The following SLC37A3 variants were observed in gnomAD, a reference collection of about 807,000 sequenced individuals.
SLC37A3 encodes sugar phosphate exchanger 3.
Under a neutral mutation model 67.1 loss-of-function variants are expected in SLC37A3, and 51 were observed. The ratio of observed to expected loss-of-function variants is 0.76; its 90% confidence interval spans 0.61 to 0.96. The LOEUF (loss-of-function observed/expected upper bound fraction) is 0.96, where lower values mean the gene tolerates loss of function less well. SLC37A3 is among the 40% of genes least tolerant of loss of function. The pLI is 0.00. For synonymous variants in SLC37A3, 214 were observed against 231.4 expected, an observed-to-expected ratio of 0.92 and a Z score of 0.68; for missense variants, 508 against 603.0, an observed-to-expected ratio of 0.84 and a Z score of 1.65.
chr7:140,367,776 G>A (rs12703792), intron 4 of SLC37A3, among the ~76,000 whole-genome samples: 55,682 of 150,186 alleles, frequency 0.37, 11,508 homozygotes, highest in Non-Finnish European at 0.46. Context: ...CCTCGCCACC[G>A]TGGAATGTCT....
At chr7:140,345,172 TAC>T (rs1459747178) in intron 12 of SLC37A3, 42 bp downstream of exon 12, 2 of 1,564,002 alleles carry the variant, frequency 1.3e-6, no homozygotes, top group Non-Finnish European at 1.8e-6. Flanking sequence ...CCTCTGAATT[TAC>T]AGAGCAACAG....
chr7:140,360,719 G>A (rs1255882638), intron 5 of SLC37A3, among the ~76,000 whole-genome samples: 1 of 136,878 alleles, frequency 7.3e-6, no homozygotes, highest in Admixed American at 7.8e-5. Flanking sequence ...GGGTGACAGA[G>A]CAAGACTCCG....
At chr7:140,393,826 A>G (rs1798813012) in intron 1 of SLC37A3, among the ~76,000 whole-genome samples, 1 of 152,114 alleles carries the variant, frequency 6.6e-6, no homozygotes, top group Non-Finnish European at 1.5e-5. Flanking sequence ...CTGTGTCCTG[A>G]GTCTCACAGC....
intron 9 of SLC37A3, 62 bp downstream of exon 9, chr7:140,351,211 C>G: frequency 6.7e-7 from 1 of 1,499,138 alleles, no homozygotes; most frequent in Non-Finnish European, 9.1e-7. Flanking sequence ...TTATCTCAGG[C>G]AGAGGAGATG....
At chr7:140,343,343 G>A (rs901733627) in intron 13 of SLC37A3, 69 bp downstream of exon 13, 20 of 1,604,556 alleles carry the variant, frequency 1.2e-5, no homozygotes, top group Non-Finnish European at 1.6e-5. Flanking sequence ...GAGGCCCAGA[G>A]GGCAGGTTCA....
At chr7:140,380,038 T>C (rs958542163) in intron 3 of SLC37A3, 3 of 277,098 alleles carry the variant, frequency 1.1e-5, no homozygotes, top group Non-Finnish European at 2.0e-5. Flanking sequence ...CGAAAGCCAG[T>C]GAAAAAACAG....
At chr7:140,362,580 C>G in intron 5 of SLC37A3, among the ~76,000 whole-genome samples, 1 of 102,296 alleles carries the variant, frequency 9.8e-6, no homozygotes, top group African/African-American at 3.5e-5. Flanking sequence ...GCCAGCCGCC[C>G]CGTCCGGGAG....
At chr7:140,359,868 G>A (rs1159439741) in intron 5 of SLC37A3, among the ~76,000 whole-genome samples, 5 of 151,986 alleles carry the variant, frequency 3.3e-5, no homozygotes, top group South Asian at 2.1e-4. Flanking sequence ...GCTTAAAAAG[G>A]GCAAGTTTAT....
At position 140,367,626 on chromosome 7, in the gene SLC37A3, G is replaced by C. The variant is rs530178536; in HGVS notation, c.291+1964C>G. 3.9e-5 allele frequency among the ~76,000 whole-genome samples: 6 copies of C among 152,098 alleles called. No homozygotes were observed. In the South Asian group the frequency reaches 1.0e-3, roughly 26 times the overall value. On this transcript the variant is annotated intron_variant, in intron 4 of 14. Transcript: ENST00000326232. ...CTTAAAGACAGCATCTTATATGCTG[G>C]GGAGAAAAGGAAGGCTCCTCTCACA... is the stretch of plus-strand genomic sequence containing the variant.
chr7:140,345,543 C>T (rs1033623953), intron 11 of SLC37A3, among the ~76,000 whole-genome samples: 2 of 152,166 alleles, frequency 1.3e-5, no homozygotes, highest in East Asian at 1.9e-4. Flanking sequence ...ACCATCTTTC[C>T]GCTTTTGAAA....
intron 1 of SLC37A3, among the ~76,000 whole-genome samples, chr7:140,395,121 T>G (rs553586043): frequency 6.6e-6 from 1 of 152,106 alleles, no homozygotes; most frequent in South Asian, 2.1e-4. Context: ...CTCATGCCTG[T>G]AACCTGAACA....
At chr7:140,398,082 TC>T (rs1347574858) in intron 1 of SLC37A3, among the ~76,000 whole-genome samples, 1 of 152,108 alleles carries the variant, frequency 6.6e-6, no homozygotes, top group Non-Finnish European at 1.5e-5. Flanking sequence ...CCTTTTCTGA[TC>T]AAGTCAGAAT....
chr7:140,393,002 G>T (rs1255837442), intron 1 of SLC37A3, among the ~76,000 whole-genome samples: 1 of 152,078 alleles, frequency 6.6e-6, no homozygotes, highest in Admixed American at 6.5e-5. Context: ...TGAAGCAGGA[G>T]AATCGCTTGA....
intron 3 of SLC37A3, among the ~76,000 whole-genome samples, chr7:140,373,827 C>T (rs931889232): frequency 2.6e-5 from 4 of 151,870 alleles, no homozygotes; most frequent in South Asian, 2.1e-4. Context: ...GAATAAACTC[C>T]GCAACACACT....
intron 5 of SLC37A3, among the ~76,000 whole-genome samples, chr7:140,363,136 G>A (rs1245118392): frequency 1.2e-5 from 1 of 86,718 alleles, no homozygotes; most frequent in African/African-American, 4.3e-5. Context: ...CTGCCCGGCC[G>A]CCCCTACTGG....
At chr7:140,395,346 G>A (rs557301535) in intron 1 of SLC37A3, among the ~76,000 whole-genome samples, 1 of 122,270 alleles carries the variant, frequency 8.2e-6, no homozygotes, top group East Asian at 2.5e-4. Flanking sequence ...CTGCACTCCA[G>A]CCTTGGTGAC....
rs34391142 is a variant in SLC37A3 at position 140,351,452 on chromosome 7, C to G, written c.704-1G>C. ...TCTTCTGCCTCAATACCCGAGAGAC[C>G]TAAAATAACAGCGACAGCCACTGTT... On this transcript the variant is annotated splice_acceptor_variant, in intron 8 of 14. Coordinates refer to ENST00000326232, the MANE Select transcript of SLC37A3 (RefSeq NM_207113.3). LOFTEE classifies it high-confidence loss of function. The G allele has an allele frequency of 6.2e-7, 1 of 1,613,296 alleles. No homozygotes were observed. The highest frequency in any genetic ancestry group is 1.7e-5 in the Admixed American group (1 of 59,930).
chr7:140,388,873 T>C (rs1798614466), intron 1 of SLC37A3, among the ~76,000 whole-genome samples: 1 of 147,788 alleles, frequency 6.8e-6, no homozygotes, highest in Admixed American at 6.8e-5. Flanking sequence ...TCACAATCAC[T>C]AACTTGTGAT....
At chr7:140,339,818 G>A (rs1796286563) in intron 13 of SLC37A3, among the ~76,000 whole-genome samples, 2 of 149,466 alleles carry the variant, frequency 1.3e-5, no homozygotes, top group Admixed American at 6.6e-5. Flanking sequence ...CTCACTGCAA[G>A]CTCCACCTCC....
Sources: gnomAD v4.1 joint callset for allele counts (sites outside exome capture counted in the v4.1 genomes callset) on GRCh38, gnomAD v4.1.1 for gene constraint, MANE v1.5 for transcripts, NCBI Gene and HGNC (gene_info 2026-07-23, HGNC 2026-07-21) for gene names.